Variants in THOC1 observed in about 807,000 individuals in gnomAD.
The protein encoded by THOC1 is THO complex 1.
In THOC1, 29 loss-of-function variants were observed where a neutral mutation model predicts 97.3. That is an observed-to-expected ratio of 0.30 (90% CI 0.22 to 0.41). THOC1 has a LOEUF of 0.41. Among genes scored for constraint, THOC1 ranks in the 10% least tolerant of loss-of-function variants. The probability of loss-of-function intolerance (pLI) is 1.00; values close to 1 mark genes in which losing one functional copy is unlikely to be tolerated. For missense variants in THOC1, 529 were observed against 761.9 expected (o/e 0.69, Z 3.60); for synonymous variants, 255 against 257.0 (o/e 0.99, Z 0.07).
chr18:238,668 C>G (rs569701299), intron 11 of THOC1, among the ~76,000 whole-genome samples: 2 of 152,310 alleles, frequency 1.3e-5, no homozygotes, highest in South Asian at 4.1e-4. Context: ...TATAATCTTA[C>G]AGAACCACTG....
intron 9 of THOC1, among the ~76,000 whole-genome samples, chr18:250,484 G>A (rs183709872): frequency 2.6e-5 from 4 of 152,098 alleles, no homozygotes; most frequent in Admixed American, 6.5e-5. Context: ...AGAATGTCTT[G>A]TAACTATTTT....
At chr18:224,341 G>A (rs1177375602) in intron 15 of THOC1, 162 bp from the exon 16 acceptor site, 5 of 547,106 alleles carry the variant, frequency 9.1e-6, no homozygotes, top group Non-Finnish European at 1.6e-5. Flanking sequence ...CACTTTGGGA[G>A]GCTGAGGTAG....
Position 241,442 on chromosome 18 carries a change from C to G in THOC1, c.918+4882G>C, listed in dbSNP as rs114498154. 1.4e-3 allele frequency among the ~76,000 whole-genome samples: 214 copies of G among 152,226 alleles called. 2 individuals are homozygous for G. The highest frequency in any genetic ancestry group is 5.0e-3 in the African/African-American group (209 of 41,532). On this transcript the variant is annotated intron_variant, in intron 11 of 20. Transcript: ENST00000261600. ...AGGCCTCTTCACACAATGCAGAGACCAAGCAAAATTGTGAATTTTCTTTTC... is the reference window on the plus strand; with the variant it reads ...AGGCCTCTTCACACAATGCAGAGACGAAGCAAAATTGTGAATTTTCTTTTC...
chr18:238,466 T>C (rs1567849389), intron 11 of THOC1, among the ~76,000 whole-genome samples: 1 of 152,224 alleles, frequency 6.6e-6, no homozygotes, highest in Non-Finnish European at 1.5e-5. Flanking sequence ...TGTGTGAATA[T>C]CATAGAGTGT....
At chr18:265,385 C>A (rs192785049) in intron 2 of THOC1, 22 bp from the exon 3 acceptor site, 3 of 1,599,094 alleles carry the variant, frequency 1.9e-6, no homozygotes, top group African/African-American at 2.7e-5. Context: ...AAAAGACATC[C>A]TCATTTTTCA....
intron 11 of THOC1, chr18:244,865 A>G (rs1259698389): frequency 6.6e-6 from 1 of 152,176 alleles, no homozygotes; most frequent in Admixed American, 6.5e-5. Flanking sequence ...CACTTAAAAA[A>G]AAAAAATCTG....
intron 7 of THOC1, among the ~76,000 whole-genome samples, chr18:256,735 C>T (rs563027687): frequency 1.3e-5 from 2 of 152,120 alleles, no homozygotes; most frequent in South Asian, 4.2e-4. Context: ...GATAAAGTAG[C>T]GGCAGGGTTT....
chr18:248,164 G>A (rs1299495488), intron 9 of THOC1, among the ~76,000 whole-genome samples: 1 of 152,170 alleles, frequency 6.6e-6, no homozygotes, highest in Non-Finnish European at 1.5e-5. Context: ...TACACTGGTG[G>A]AGCCCCTGAA....
intron 11 of THOC1, among the ~76,000 whole-genome samples, chr18:239,751 G>A (rs1911832324): frequency 6.6e-6 from 1 of 152,108 alleles, no homozygotes. Flanking sequence ...AAATAATACT[G>A]TTATTAAACA....
At chr18:261,146 G>A (rs1053354046) in intron 4 of THOC1, 15 of 152,124 alleles carry the variant, frequency 9.9e-5, no homozygotes, top group Admixed American at 7.9e-4. Flanking sequence ...GAAAGTTACT[G>A]TTTAAAGAAC....
intron 17 of THOC1, 68 bp downstream of exon 17, chr18:223,372 G>T: frequency 7.7e-7 from 1 of 1,291,686 alleles, no homozygotes; most frequent in Non-Finnish European, 1.1e-6. Flanking sequence ...GATCATAGCT[G>T]AGAAAAGGCT....
intron 1 of THOC1, among the ~76,000 whole-genome samples, chr18:267,541 C>A (rs1385268618): frequency 6.6e-6 from 1 of 152,212 alleles, no homozygotes; most frequent in Non-Finnish European, 1.5e-5. Context: ...ACGGCGGGAA[C>A]AAGCACTTGG....
chr18:259,433 A>T (rs1308263932), intron 6 of THOC1, among the ~76,000 whole-genome samples, 158 bp from the exon 7 acceptor site: 1 of 152,118 alleles, frequency 6.6e-6, no homozygotes, highest in African/African-American at 2.4e-5. Flanking sequence ...AAGTACTATA[A>T]ATTAGGAACA....
intron 11 of THOC1, among the ~76,000 whole-genome samples, chr18:227,503 T>G (rs1046131990): frequency 5.3e-5 from 8 of 152,034 alleles, no homozygotes; most frequent in Non-Finnish European, 1.0e-4. Flanking sequence ...GAAGATCATC[T>G]CTGATTAGAT....
intron 20 of THOC1, among the ~76,000 whole-genome samples, chr18:215,170 T>A (rs1230937365): frequency 4.6e-5 from 7 of 152,162 alleles, no homozygotes; most frequent in Non-Finnish European, 7.4e-5. Context: ...CAATAACCAA[T>A]AATTAACAGA....
chr18:220,341 C>A (rs8094221), intron 17 of THOC1, among the ~76,000 whole-genome samples: 30,525 of 152,158 alleles, frequency 0.2, 3,591 homozygotes, highest in East Asian at 0.32. Flanking sequence ...AAAGCTAATG[C>A]TTCACAAAAG....
chr18:262,795 A>G (rs1326731604), intron 4 of THOC1, among the ~76,000 whole-genome samples: 2 of 152,218 alleles, frequency 1.3e-5, no homozygotes, highest in African/African-American at 4.8e-5. Context: ...TCAAAATAAC[A>G]CATAATGTGA....
intron 11 of THOC1, among the ~76,000 whole-genome samples, chr18:229,879 G>T (rs1039843333): frequency 6.6e-6 from 1 of 151,864 alleles, no homozygotes; most frequent in Non-Finnish European, 1.5e-5. Context: ...TTAAACATGG[G>T]TTTTCTTCGG....
chr18:232,956 G>A (rs745529185), intron 11 of THOC1, among the ~76,000 whole-genome samples: 21 of 151,848 alleles, frequency 1.4e-4, no homozygotes, highest in Non-Finnish European at 2.4e-4. Context: ...AATTTTTCCC[G>A]GTTATGTAGG....
Sources: allele counts gnomAD v4.1 joint callset (sites outside exome capture counted in the v4.1 genomes callset), GRCh38; gene constraint gnomAD v4.1.1; transcripts MANE v1.5; gene names NCBI Gene and HGNC (gene_info 2026-07-23, HGNC 2026-07-21).